PRMT9: variants seen among roughly 807,000 people sequenced by gnomAD.
PRMT9 encodes protein arginine N-methyltransferase 9.
Under a neutral mutation model 83.2 loss-of-function variants are expected in PRMT9, and 59 were observed. The ratio of observed to expected loss-of-function variants is 0.71; its 90% CI spans 0.57 to 0.88. The LOEUF is 0.88. Among genes scored for constraint, PRMT9 ranks in the 40% least tolerant of loss-of-function variants. PRMT9 has a pLI of 0.00. For synonymous variants in PRMT9, 333 were observed against 353.2 expected, an observed-to-expected ratio of 0.94 and a Z score of 0.64; for missense variants, 947 against 1,021.9, an observed-to-expected ratio of 0.93 and a Z score of 1.00.
chr4:147,642,998 G>A (rs1213915489), intron 9 of PRMT9, 58 bp from the exon 10 acceptor site: 64 of 1,522,622 alleles, frequency 4.2e-5, no homozygotes, highest in Non-Finnish European at 4.8e-5. Context: ...AGTGGCTCAC[G>A]CCTGTAATCC....
At chr4:147,677,732 T>C (rs929517817) in intron 2 of PRMT9, among the ~76,000 whole-genome samples, 2 of 152,046 alleles carry the variant, frequency 1.3e-5, no homozygotes, top group African/African-American at 2.4e-5. Context: ...GCTGGGAATA[T>C]AGGCATGAGC....
intron 9 of PRMT9, among the ~76,000 whole-genome samples, chr4:147,649,097 G>T (rs1289343018): frequency 6.6e-6 from 1 of 152,072 alleles, no homozygotes; most frequent in Non-Finnish European, 1.5e-5. Flanking sequence ...ACAACAGACT[G>T]GGTAATTTAT....
chr4:147,660,561 T>A (rs1381585062), intron 7 of PRMT9, among the ~76,000 whole-genome samples: 1 of 151,964 alleles, frequency 6.6e-6, no homozygotes, highest in Non-Finnish European at 1.5e-5. Context: ...ACCTGGGAGG[T>A]CGAGGCTGCA....
intron 2 of PRMT9, among the ~76,000 whole-genome samples, chr4:147,677,039 G>A (rs1267075161): frequency 5.4e-4 from 68 of 126,392 alleles, no homozygotes; most frequent in African/African-American, 1.9e-3. Flanking sequence ...GCAAGACTCC[G>A]TCTCAAAAAA....
At chr4:147,677,927 A>C (rs1213763384) in intron 2 of PRMT9, among the ~76,000 whole-genome samples, 5 of 152,352 alleles carry the variant, frequency 3.3e-5, no homozygotes, top group Middle Eastern at 3.4e-3. Flanking sequence ...TACATTTGTC[A>C]GGTTAATGAT....
intron 10 of PRMT9, chr4:147,639,326 T>A: frequency 2.3e-6 from 1 of 426,030 alleles, no homozygotes; most frequent in Non-Finnish European, 4.3e-6. Context: ...GCAGGTTAGA[T>A]AATTTGCTCT....
chr4:147,663,252 C>T (rs552210321), intron 6 of PRMT9, among the ~76,000 whole-genome samples: 11 of 152,192 alleles, frequency 7.2e-5, no homozygotes, highest in Admixed American at 1.3e-4. Context: ...TCATGATCCG[C>T]CCGCCTCAGC....
chr4:147,659,850 G>A (rs1248699363), intron 7 of PRMT9, among the ~76,000 whole-genome samples: 2 of 152,092 alleles, frequency 1.3e-5, no homozygotes, highest in African/African-American at 4.8e-5. Flanking sequence ...CAAAGTGCTG[G>A]GAGGACAGGC....
At chr4:147,641,952 C>T (rs1733431005) in intron 10 of PRMT9, among the ~76,000 whole-genome samples, 3 of 152,142 alleles carry the variant, frequency 2.0e-5, no homozygotes, top group African/African-American at 7.2e-5. Flanking sequence ...TGTGAGCCAC[C>T]ATGCCCAGCC....
chr4:147,663,348 G>A (rs1025973666), intron 6 of PRMT9, among the ~76,000 whole-genome samples: 11 of 150,320 alleles, frequency 7.3e-5, no homozygotes, highest in Admixed American at 7.3e-4. Flanking sequence ...GTCACAAGTT[G>A]AAACAAAAAA....
chr4:147,681,598 C>T (rs1434865106), intron 1 of PRMT9, among the ~76,000 whole-genome samples: 3 of 151,968 alleles, frequency 2.0e-5, no homozygotes, highest in African/African-American at 4.8e-5. Context: ...ACCAGCATGG[C>T]CAACACGGTG....
intron 9 of PRMT9, among the ~76,000 whole-genome samples, chr4:147,651,163 T>C (rs905833423): frequency 1.3e-5 from 2 of 151,550 alleles, no homozygotes; most frequent in Admixed American, 6.6e-5. Context: ...AGAAAACATA[T>C]CCGAAATATG....
rs750875393 is a variant in PRMT9, at chr4:147,683,993, T to G, written c.-6A>C. 1.1e-5 allele frequency: 17 copies of G among 1,612,428 alleles called. No individual in the cohort carries two copies. The African/African-American group carries it at 2.1e-4, about 20-fold the overall frequency. On this transcript the variant is annotated 5_prime_UTR_variant, in exon 1 of 12. Coordinates refer to ENST00000322396, the MANE Select transcript of PRMT9 (RefSeq NM_138364.4). Reference sequence around the variant, plus strand: ...CTGGGCCGCGAGTTCGACATGGCAGTCACCACTTGTATGGCCAAAGGGAAG... The same window carrying G: ...CTGGGCCGCGAGTTCGACATGGCAGGCACCACTTGTATGGCCAAAGGGAAG...
intron 6 of PRMT9, among the ~76,000 whole-genome samples, 196 bp downstream of exon 6, chr4:147,668,339 GTCTC>G (rs138103738): frequency 3.3e-5 from 5 of 150,530 alleles, no homozygotes; most frequent in African/African-American, 7.3e-5. Context: ...GTCTCGTGCT[GTCTC>G]TCTCTCTCTC....
At chr4:147,648,622 C>T (rs577586094) in intron 9 of PRMT9, among the ~76,000 whole-genome samples, 3 of 152,148 alleles carry the variant, frequency 2.0e-5, no homozygotes, top group Non-Finnish European at 2.9e-5. Context: ...CAGGAACTTC[C>T]GATTTACAGC....
In PRMT9 at chr4:147,677,834, T is replaced by C. The variant is rs143724926; in HGVS notation, c.338+2489A>G. On this transcript the variant is annotated intron_variant, in intron 2 of 11. Transcript: ENST00000322396. ...TCAAAATTTTTTCTGAGGAGAGACA[T>C]ACGATCCAAAATTGTAATAAATATT... Among the ~76,000 whole-genome samples the C allele has an allele frequency of 3.8e-3, 579 of 152,248 alleles. 7 individuals are homozygous for C. Among genetic ancestry groups the C allele is most frequent in the African/African-American group, 0.013 (540 of 41,550 alleles).
At chr4:147,639,186 C>CTA in intron 10 of PRMT9, 104 bp from the exon 11 acceptor site, 1 of 1,177,412 alleles carries the variant, frequency 8.5e-7, no homozygotes, top group Non-Finnish European at 1.2e-6. Context: ...TTGCTTTGTA[C>CTA]TTGACTCAAT....
intron 6 of PRMT9, 37 bp from the exon 7 acceptor site, chr4:147,661,075 G>T: frequency 2.3e-5 from 33 of 1,409,632 alleles, no homozygotes; most frequent in Non-Finnish European, 3.0e-5. Context: ...GTAGGAAGAT[G>T]GATTTTTTTA....
chr4:147,646,598 A>T lies in PRMT9; in HGVS notation c.2046-3658T>A, dbSNP rs541617385. The stretch of plus-strand genomic sequence containing the variant: ...CACTGCACTCCAGCCTGGGTGACAG[A>T]GTAAGAGCCTGCCTAAAAAAAATAA... On this transcript the variant is annotated intron_variant, in intron 9 of 11. Coordinates refer to ENST00000322396, the MANE Select transcript of PRMT9 (RefSeq NM_138364.4). Among the ~76,000 whole-genome samples the T allele has an allele frequency of 1.5e-4, 22 of 142,274 alleles. No individual in the cohort carries two copies. In the South Asian group the frequency reaches 5.0e-3, roughly 32 times the overall value. 93.3% of individuals were successfully genotyped at this position (142,274 alleles called of 152,430 possible).
Sources: gnomAD v4.1 joint callset for allele counts (sites outside exome capture counted in the v4.1 genomes callset) on GRCh38, gnomAD v4.1.1 for gene constraint, MANE v1.5 for transcripts, NCBI Gene and HGNC (gene_info 2026-07-23, HGNC 2026-07-21) for gene names.